Variants in FBXW7 observed in about 807,000 individuals in gnomAD.
The protein encoded by FBXW7 is F-box and WD repeat domain containing 7, also known as F-box/WD repeat-containing protein 7.
A neutral mutation model predicts 86.3 loss-of-function variants in FBXW7; 11 were observed. That is an observed-to-expected ratio of 0.13 (90% CI 0.08 to 0.21). FBXW7 has a LOEUF of 0.21. Ranked by LOEUF, FBXW7 falls within the 10% of genes least tolerant of loss-of-function variation. The pLI is 1.00. For synonymous variants in FBXW7, 313 were observed against 297.9 expected (o/e 1.05, Z -0.52); for missense variants, 488 against 847.4 (o/e 0.58, Z 5.27).
intron 2 of FBXW7, among the ~76,000 whole-genome samples, chr4:152,514,830 T>C (rs1748318357): frequency 6.6e-6 from 1 of 152,114 alleles, no homozygotes. Context: ...AAACCTCTTC[T>C]CTTCATAAAT....
At chr4:152,472,253 G>A (rs1008370179) in intron 2 of FBXW7, among the ~76,000 whole-genome samples, 2 of 152,122 alleles carry the variant, frequency 1.3e-5, no homozygotes, top group African/African-American at 2.4e-5. Context: ...TGTCTACTAA[G>A]CTGAAGATAA....
intron 2 of FBXW7, among the ~76,000 whole-genome samples, chr4:152,446,823 T>C (rs1741446131): frequency 6.6e-6 from 1 of 152,214 alleles, no homozygotes; most frequent in Non-Finnish European, 1.5e-5. Context: ...ATTAATTTGC[T>C]GGTGGCCCAT....
intron 2 of FBXW7, among the ~76,000 whole-genome samples, chr4:152,476,497 G>C (rs1419214586): frequency 6.6e-6 from 1 of 152,152 alleles, no homozygotes; most frequent in African/African-American, 2.4e-5. Flanking sequence ...CTGTAAAAGA[G>C]ATTGAAGAAT....
intron 2 of FBXW7, among the ~76,000 whole-genome samples, chr4:152,432,304 G>A (rs1560890374): frequency 6.6e-6 from 1 of 152,122 alleles, no homozygotes; most frequent in Admixed American, 6.6e-5. Flanking sequence ...TTAGAACAGG[G>A]AAGTCCCAAC....
At chr4:152,404,771 T>A (rs1560855786) in intron 4 of FBXW7, among the ~76,000 whole-genome samples, 1 of 152,112 alleles carries the variant, frequency 6.6e-6, no homozygotes, top group Non-Finnish European at 1.5e-5. Flanking sequence ...CATTTACAAT[T>A]TCTAGTCTAG....
chr4:152,513,484 G>C (rs556071679), intron 2 of FBXW7, among the ~76,000 whole-genome samples: 4 of 152,126 alleles, frequency 2.6e-5, no homozygotes, highest in African/African-American at 7.2e-5. Flanking sequence ...TTTAAACAAA[G>C]AGGTAAAAGA....
chr4:152,519,549 CTAGA>C (rs1422910615), intron 2 of FBXW7, among the ~76,000 whole-genome samples: 3 of 152,110 alleles, frequency 2.0e-5, no homozygotes, highest in African/African-American at 7.2e-5. Flanking sequence ...CAGATTTTGC[CTAGA>C]TAAATTTATT....
chr4:152,359,263 G>A (rs953495073), intron 4 of FBXW7, among the ~76,000 whole-genome samples: 1 of 151,976 alleles, frequency 6.6e-6, no homozygotes, highest in Admixed American at 6.6e-5. Flanking sequence ...CAAAAACATT[G>A]CAATTACCTT....
At chr4:152,515,906 TAAC>T (rs1362050541) in intron 2 of FBXW7, among the ~76,000 whole-genome samples, 2 of 152,194 alleles carry the variant, frequency 1.3e-5, no homozygotes, top group Admixed American at 1.3e-4. Flanking sequence ...CACAACATAA[TAAC>T]TTGGCCACAT....
intron 4 of FBXW7, among the ~76,000 whole-genome samples, chr4:152,351,269 GAAT>G (rs1731786040): frequency 6.6e-6 from 1 of 152,018 alleles, no homozygotes; most frequent in African/African-American, 2.4e-5. Flanking sequence ...GAGCCACACT[GAAT>G]AATAAAGACC....
chr4:152,523,881 T>C (rs777730827), intron 2 of FBXW7, among the ~76,000 whole-genome samples: 11 of 152,332 alleles, frequency 7.2e-5, no homozygotes, highest in Non-Finnish European at 1.5e-4. Context: ...ATTTTTGTTT[T>C]GCTTATTTAG....
rs1001227453 is a variant in FBXW7 at position 152,535,830 on chromosome 4, G to C, written c.-916C>G. 7.6e-6 allele frequency: 3 copies of C among 392,820 alleles called. No homozygotes were observed. The highest frequency in any genetic ancestry group is 3.6e-5 in the East Asian group (1 of 27,530). 24.3% of individuals were successfully genotyped at this position (392,820 alleles called of 1,614,324 possible). A position where few individuals can be genotyped will look rare whatever the true frequency, so the allele number is the denominator to read the frequency against. ...CGGCTCCGGCTCAGGCTCGGGCTCCGGCTCTGGCTCCGGCTCCGGCGTGTG... is the reference window on the plus strand; with the variant it reads ...CGGCTCCGGCTCAGGCTCGGGCTCCCGCTCTGGCTCCGGCTCCGGCGTGTG... On this transcript the variant is annotated 5_prime_UTR_variant, in exon 1 of 14. Coordinates refer to ENST00000281708, the MANE Select transcript of FBXW7 (RefSeq NM_001349798.2).
At chr4:152,391,925 C>T (rs1366595772) in intron 4 of FBXW7, among the ~76,000 whole-genome samples, 3 of 151,960 alleles carry the variant, frequency 2.0e-5, no homozygotes, top group Middle Eastern at 3.2e-3. Context: ...ATTAGTTGTT[C>T]GGAGACACTT....
chr4:152,435,336 T>C (rs1740289512), intron 2 of FBXW7, among the ~76,000 whole-genome samples: 1 of 152,226 alleles, frequency 6.6e-6, no homozygotes, highest in Non-Finnish European at 1.5e-5. Context: ...CCATTCATTT[T>C]GTATAACGGC....
intron 7 of FBXW7, among the ~76,000 whole-genome samples, chr4:152,334,283 A>G (rs1729859424): frequency 6.6e-6 from 1 of 152,202 alleles, no homozygotes; most frequent in Non-Finnish European, 1.5e-5. Flanking sequence ...ATATTCAACA[A>G]TACTCACACA....
chr4:152,529,305 A>G (rs1749802954), intron 2 of FBXW7, among the ~76,000 whole-genome samples: 1 of 152,180 alleles, frequency 6.6e-6, no homozygotes, highest in Non-Finnish European at 1.5e-5. Context: ...GCAACTTTAT[A>G]GTGACCTTCT....
chr4:152,515,936 C>T (rs760822011), intron 2 of FBXW7, among the ~76,000 whole-genome samples: 8 of 152,072 alleles, frequency 5.3e-5, no homozygotes, highest in East Asian at 1.9e-4. Flanking sequence ...AACATGGTGG[C>T]GGGGGTGGGC....
chr4:152,375,329 AAATG>A (rs1734399638), intron 4 of FBXW7, among the ~76,000 whole-genome samples: 1 of 152,134 alleles, frequency 6.6e-6, no homozygotes, highest in South Asian at 2.1e-4. Context: ...ATGTGACAAA[AAATG>A]AGACAACCAT....
At chr4:152,508,537 A>C (rs1747644697) in intron 2 of FBXW7, among the ~76,000 whole-genome samples, 1 of 151,920 alleles carries the variant, frequency 6.6e-6, no homozygotes, top group Non-Finnish European at 1.5e-5. Flanking sequence ...ACAATATGAA[A>C]AATTAGCCAG....
Sources: allele counts gnomAD v4.1 joint callset (sites outside exome capture counted in the v4.1 genomes callset), GRCh38; gene constraint gnomAD v4.1.1; transcripts MANE v1.5; gene names NCBI Gene and HGNC (gene_info 2026-07-23, HGNC 2026-07-21).